Variants in SMIM10L2B observed in about 807,000 individuals in gnomAD.
SMIM10L2B encodes small integral membrane protein 10 like 2B.
For missense variants in SMIM10L2B, 40 were observed against 58.7 expected, an observed-to-expected ratio of 0.68 and a Z score of 1.04; for synonymous variants, 28 against 30.0, an observed-to-expected ratio of 0.93 and a Z score of 0.22.
rs1324592717 is a variant in SMIM10L2B at position 135,098,213 on chromosome X, C to G, written c.*184G>C. ...CCGGGGTCCCGGGCTGAGACCGCGG[C>G]CAGGGCCAGGGCTGGGCCTTCGTGC... On this transcript the variant is annotated 3_prime_UTR_variant, in exon 1 of 2. Transcript: ENST00000433425. The G allele has an allele frequency of 3.9e-6, 1 of 259,479 alleles. No individual in the cohort carries two copies. The highest frequency in any genetic ancestry group is 6.8e-6 in the Non-Finnish European group (1 of 146,652). 21.4% of individuals were successfully genotyped at this position (259,479 alleles called of 1,213,427 possible).
At position 135,095,093 on chromosome X, in the gene SMIM10L2B, G is replaced by A. The variant is rs1198403550; in HGVS notation, c.*2393C>T. ...AAGAACATCTCTCTGGCCAGCCTGT[G>A]CTGACCAGTACACAGTGAATCACAC... On this transcript the variant is annotated 3_prime_UTR_variant, in exon 2 of 2. Transcript: ENST00000433425. 9.0e-6 allele frequency: 1 copy of A among 111,527 alleles called. No individual in the cohort carries two copies. Among genetic ancestry groups the A allele is most frequent in the Non-Finnish European group, 1.9e-5 (1 of 53,055 alleles). The allele number at this position is 111,527 out of a possible 1,213,427, so 9.2% of individuals were successfully genotyped here. A position where few individuals can be genotyped will look rare whatever the true frequency, so the allele number is the denominator to read the frequency against.
chrX:135,098,063 G>A lies in SMIM10L2B; in HGVS notation c.*334C>T. ...TGCTCGGGGCGGGGAAAGTCAAGTC[G>A]CCGCAGCAGAATTCCCTCCTTCTGG... On this transcript the variant is annotated 3_prime_UTR_variant, in exon 1 of 2. Coordinates refer to ENST00000433425, the MANE Select transcript of SMIM10L2B (RefSeq NM_001348255.2). 1 of 138,850 alleles carries A rather than the reference G, an allele frequency of 7.2e-6. No individual in the cohort carries two copies. The highest frequency in any genetic ancestry group is 1.4e-5 in the Non-Finnish European group (1 of 69,870). 11.4% of individuals were successfully genotyped at this position (138,850 alleles called of 1,213,427 possible). A position where few individuals can be genotyped will look rare whatever the true frequency, so the allele number is the denominator to read the frequency against.
At position 135,096,464 on chromosome X, in the gene SMIM10L2B, T is replaced by C. The variant is rs782696856; in HGVS notation, c.*1022A>G. ...TGCCACTTCACTGCTGAAAAGCCCT[T>C]GGTGAAGCTCCAGGTGGGGTGGGGA... On this transcript the variant is annotated 3_prime_UTR_variant, in exon 2 of 2. Transcript: ENST00000433425. 9.0e-6 allele frequency: 1 copy of C among 111,019 alleles called. No individual in the cohort carries two copies. The highest frequency in any genetic ancestry group is 3.8e-4 in the South Asian group (1 of 2,607). 9.1% of individuals were successfully genotyped at this position (111,019 alleles called of 1,213,427 possible).
At chrX:135,097,899 C>T (rs1556398390) in intron 1 of SMIM10L2B, 134 bp downstream of exon 1, 2 of 112,430 alleles carry the variant, frequency 1.8e-5, no homozygotes, top group African/African-American at 6.5e-5. Flanking sequence ...CTTTCCTTTC[C>T]CCACCTGGGC....
rs782077640 is a variant in SMIM10L2B at position 135,096,215 on chromosome X, A to C, written c.*1271T>G. On this transcript the variant is annotated 3_prime_UTR_variant, in exon 2 of 2. Transcript: ENST00000433425. The stretch of plus-strand genomic sequence containing the variant: ...GCATTGTACACCAGTTAGCAGCACA[A>C]CCGGGGGCCCCCAGGACCAATCCAA... The C allele has an allele frequency of 9.0e-6, 1 of 110,726 alleles. No homozygotes were observed. The highest frequency in any genetic ancestry group is 9.5e-5 in the Admixed American group (1 of 10,475). The allele number at this position is 110,726 out of a possible 1,213,427, so 9.1% of individuals were successfully genotyped here.
rs782346469 is a variant in SMIM10L2B at position 135,095,508 on chromosome X, C to T, written c.*1978G>A. On this transcript the variant is annotated 3_prime_UTR_variant, in exon 2 of 2. Coordinates refer to ENST00000433425, the MANE Select transcript of SMIM10L2B (RefSeq NM_001348255.2). ...ACACACATTTCTCCCAGTAGGGAAG[C>T]AGCTTCCAGAGTCCCAGGATGAGCC... The T allele has an allele frequency of 8.0e-5, 9 of 111,948 alleles. No homozygotes were observed. Among genetic ancestry groups the T allele is most frequent in the Non-Finnish European group, 1.3e-4 (7 of 53,085 alleles). 9.2% of individuals were successfully genotyped at this position (111,948 alleles called of 1,213,427 possible).
chrX:135,098,655 C>T lies in SMIM10L2B; in HGVS notation c.-22G>A. The T allele has an allele frequency of 1.6e-5, 5 of 307,836 alleles. No homozygotes were observed. The highest frequency in any genetic ancestry group is 2.2e-5 in the Non-Finnish European group (4 of 184,745). The allele number at this position is 307,836 out of a possible 1,213,427, so 25.4% of individuals were successfully genotyped here. ...CCATGGGCCCGGGCCCCGCGCAGGC[C>T]CCGCCGACCGATCGACCCGCAAGAG... is the stretch of plus-strand genomic sequence containing the variant. On this transcript the variant is annotated 5_prime_UTR_variant, in exon 1 of 2. Transcript: ENST00000433425.
In SMIM10L2B at chrX:135,098,355, C is replaced by A. The variant is rs1248488525; in HGVS notation, c.*42G>T. 4 of 365,753 alleles carry A rather than the reference C, an allele frequency of 1.1e-5. No homozygotes were observed. Among genetic ancestry groups the A allele is most frequent in the Admixed American group, 5.5e-5 (1 of 18,253 alleles). The allele number at this position is 365,753 out of a possible 1,213,427, so 30.1% of individuals were successfully genotyped here. The stretch of plus-strand genomic sequence containing the variant: ...CCGGGGGCGGGCGGGGACACTGTCG[C>A]CCCTCCAGCCGGGCCTCCGCGGCCG... On this transcript the variant is annotated 3_prime_UTR_variant, in exon 1 of 2. Coordinates refer to ENST00000433425, the MANE Select transcript of SMIM10L2B (RefSeq NM_001348255.2).
In SMIM10L2B at chrX:135,095,120, C is replaced by T; in HGVS notation, c.*2366G>A. The T allele has an allele frequency of 9.0e-6, 1 of 111,606 alleles. No homozygotes were observed. Among genetic ancestry groups the T allele is most frequent in the Admixed American group, 9.4e-5 (1 of 10,625 alleles). The allele number at this position is 111,606 out of a possible 1,213,427, so 9.2% of individuals were successfully genotyped here. ...TGACCAGTACACAGTGAATCACACA[C>T]AGAAACGTATGTCATTCCGGTCGGT... On this transcript the variant is annotated 3_prime_UTR_variant, in exon 2 of 2. Coordinates refer to ENST00000433425, the MANE Select transcript of SMIM10L2B (RefSeq NM_001348255.2).
At position 135,098,055 on chromosome X, in the gene SMIM10L2B, G is replaced by A. The variant is rs1485733609; in HGVS notation, c.*342C>T. The A allele has an allele frequency of 2.2e-5, 3 of 133,667 alleles. No homozygotes were observed. In the East Asian group the frequency reaches 6.1e-4, roughly 27 times the overall value. The allele number at this position is 133,667 out of a possible 1,213,427, so 11.0% of individuals were successfully genotyped here. On this transcript the variant is annotated 3_prime_UTR_variant, in exon 1 of 2. Transcript: ENST00000433425. ...TACCTTTCTGCTCGGGGCGGGGAAA[G>A]TCAAGTCGCCGCAGCAGAATTCCCT...
rs373151375 is a variant in SMIM10L2B at position 135,097,683 on chromosome X, G to A, written c.*364+350C>T. On this transcript the variant is annotated intron_variant, in intron 1 of 1. Transcript: ENST00000433425. ...CCTCCCTATGCCCACCGACTGGTGG[G>A]GAAGAGAAGGGTGGGGGCATCGTTG... 2.4e-4 allele frequency among the ~76,000 whole-genome samples: 27 copies of A among 112,313 alleles called. No homozygotes were observed. The East Asian group carries it at 7.6e-3, about 32-fold the overall frequency.
rs1461119850 is a variant in SMIM10L2B at position 135,098,321 on chromosome X, G to A, written c.*76C>T. 2 of 295,618 alleles carry A rather than the reference G, an allele frequency of 6.8e-6. No individual in the cohort carries two copies. The allele number at this position is 295,618 out of a possible 1,213,427, so 24.4% of individuals were successfully genotyped here. On this transcript the variant is annotated 3_prime_UTR_variant, in exon 1 of 2. Transcript: ENST00000433425. ...CGCGATCCAGCTGTCCTTCATGCCC[G>A]CGACCCGGCCGGGGGCGGGCGGGGA...
In SMIM10L2B at chrX:135,098,474, G is replaced by A; in HGVS notation, c.160C>T (p.Leu54=). ...TAGAAGTAGGGGAAGTTCATGCGCA[G>A]CCGCCAGGCCAGGTCGAAGAAGGTG... The part of the protein sequence containing the change: ...LLTFFDLAWR[L]RMNFPYFYIV... Residue 54 remains leucine, a synonymous_variant, in exon 1 of 2, where the codon CTG becomes TTG. Coordinates refer to ENST00000433425, the MANE Select transcript of SMIM10L2B (RefSeq NM_001348255.2). 9.5e-7 allele frequency: 1 copy of A among 1,047,710 alleles called. No individual in the cohort carries two copies. Among genetic ancestry groups the A allele is most frequent in the East Asian group, 4.0e-5 (1 of 24,837 alleles). 86.3% of individuals were successfully genotyped at this position (1,047,710 alleles called of 1,213,427 possible).
Position 135,098,482 on chromosome X carries a change from G to A in SMIM10L2B, c.152C>T (p.Ala51Val). The A allele has an allele frequency of 9.4e-7, 1 of 1,058,944 alleles. No homozygotes were observed. The highest frequency in any genetic ancestry group is 1.2e-6 in the Non-Finnish European group (1 of 805,361). 87.3% of individuals were successfully genotyped at this position (1,058,944 alleles called of 1,213,427 possible). The change falls in exon 1 of 2, where the codon GCC (alanine) becomes GTC (valine). Residue 51 changes from alanine to valine, a missense_variant. Coordinates refer to ENST00000433425, the MANE Select transcript of SMIM10L2B (RefSeq NM_001348255.2). The stretch of plus-strand genomic sequence containing the variant: ...GGGGAAGTTCATGCGCAGCCGCCAG[G>A]CCAGGTCGAAGAAGGTGAGCAGCGT... ...TRTLLTFFDL[A>V]WRLRMNFPYF... is the part of the protein sequence containing the mutation.
Position 135,095,776 on chromosome X carries a change from T to C in SMIM10L2B, c.*1710A>G, listed in dbSNP as rs1556397846. The C allele has an allele frequency of 9.0e-6, 1 of 111,660 alleles. No individual in the cohort carries two copies. Among genetic ancestry groups the C allele is most frequent in the African/African-American group, 3.3e-5 (1 of 30,653 alleles). The allele number at this position is 111,660 out of a possible 1,213,427, so 9.2% of individuals were successfully genotyped here. ...CACAGAGGCTGCCCCCAGAGATCTG[T>C]TGGGGGGACCAGCAGGCTGACAGGC... On this transcript the variant is annotated 3_prime_UTR_variant, in exon 2 of 2. Transcript: ENST00000433425.
In SMIM10L2B at chrX:135,098,376, G is replaced by T; in HGVS notation, c.*21C>A. On this transcript the variant is annotated 3_prime_UTR_variant, in exon 1 of 2. Coordinates refer to ENST00000433425, the MANE Select transcript of SMIM10L2B (RefSeq NM_001348255.2). Reference sequence around the variant, plus strand: ...GTCGCCCCTCCAGCCGGGCCTCCGCGGCCGCCGCCGCCGCCGGCGCTCACT... The same window carrying T: ...GTCGCCCCTCCAGCCGGGCCTCCGCTGCCGCCGCCGCCGCCGGCGCTCACT... 2.0e-6 allele frequency: 1 copy of T among 492,549 alleles called. No homozygotes were observed. Among genetic ancestry groups the T allele is most frequent in the Non-Finnish European group, 3.0e-6 (1 of 330,076 alleles). The allele number at this position is 492,549 out of a possible 1,213,427, so 40.6% of individuals were successfully genotyped here.
Position 135,098,137 on chromosome X carries a change from T to G in SMIM10L2B, c.*260A>C. The G allele has an allele frequency of 4.7e-6, 1 of 210,666 alleles. No individual in the cohort carries two copies. The highest frequency in any genetic ancestry group is 8.7e-6 in the Non-Finnish European group (1 of 114,767). The allele number at this position is 210,666 out of a possible 1,213,427, so 17.4% of individuals were successfully genotyped here. A position where few individuals can be genotyped will look rare whatever the true frequency, so the allele number is the denominator to read the frequency against. ...AGGCAACAGGTAGTCCGAGCTCAGG[T>G]AGTTTCTGGAGCCCAATTGTAGGGG... is the stretch of plus-strand genomic sequence containing the variant. On this transcript the variant is annotated 3_prime_UTR_variant, in exon 1 of 2. Coordinates refer to ENST00000433425, the MANE Select transcript of SMIM10L2B (RefSeq NM_001348255.2).
intron 1 of SMIM10L2B, among the ~76,000 whole-genome samples, chrX:135,097,491 G>C (rs1461023877): frequency 8.9e-6 from 1 of 111,998 alleles, no homozygotes; most frequent in Non-Finnish European, 1.9e-5. Flanking sequence ...CCTCAGGTAG[G>C]GGCAGGGGAA....
At position 135,098,120 on chromosome X, in the gene SMIM10L2B, G is replaced by T. The variant is rs781826224; in HGVS notation, c.*277C>A. 1 of 196,704 alleles carries T rather than the reference G, an allele frequency of 5.1e-6. No individual in the cohort carries two copies. The highest frequency in any genetic ancestry group is 3.0e-5 in the African/African-American group (1 of 33,689). The allele number at this position is 196,704 out of a possible 1,213,427, so 16.2% of individuals were successfully genotyped here. On this transcript the variant is annotated 3_prime_UTR_variant, in exon 1 of 2. Coordinates refer to ENST00000433425, the MANE Select transcript of SMIM10L2B (RefSeq NM_001348255.2). ...CCTCTTTTGCCAATGTGAGGCAACA[G>T]GTAGTCCGAGCTCAGGTAGTTTCTG...
Sources: allele counts gnomAD v4.1 joint callset (sites outside exome capture counted in the v4.1 genomes callset), GRCh38; gene constraint gnomAD v4.1.1; transcripts MANE v1.5; gene names NCBI Gene and HGNC (gene_info 2026-07-23, HGNC 2026-07-21).